The following GRM5 variants were observed in gnomAD, a reference collection of about 807,000 sequenced individuals.
GRM5 encodes metabotropic glutamate receptor 5.
In GRM5, 19 loss-of-function variants were observed where a neutral mutation model predicts 83.1. That is an observed-to-expected ratio of 0.23 (90% CI 0.16 to 0.34). The LOEUF (loss-of-function observed/expected upper bound fraction) is 0.34. Ranked by LOEUF, GRM5 falls within the 10% of genes least tolerant of loss-of-function variation. GRM5 has a pLI of 1.00. For synonymous variants in GRM5, 675 were observed against 633.6 expected, an observed-to-expected ratio of 1.07 and a Z score of -0.98; for missense variants, 1,160 against 1,588.3, an observed-to-expected ratio of 0.73 and a Z score of 4.58.
At chr11:88,816,219 CAAAAAAAAAAAAAAA>C (rs1183223330) in intron 3 of GRM5, among the ~76,000 whole-genome samples, 7 of 44,956 alleles carry the variant, frequency 1.6e-4, no homozygotes, top group Non-Finnish European at 2.4e-4. Flanking sequence ...GACTCCGTCT[CAAAAAAAAAAAAAAA>C]AAAAAAAAAA....
In GRM5 at chr11:88,555,802, G is replaced by A. The variant is rs534902882; in HGVS notation, c.2630+11251C>T. ...CTAAATATACATGAAAAACATAAGC[G>A]CACACATACCTCACCAAATACAGCT... On this transcript the variant is annotated intron_variant, in intron 8 of 9. Transcript: ENST00000305447. Among the ~76,000 whole-genome samples the A allele has an allele frequency of 1.0e-3, 158 of 152,054 alleles. 1 individual carries two copies. The highest frequency in any genetic ancestry group is 3.5e-3 in the South Asian group (17 of 4,822).
intron 1 of GRM5, among the ~76,000 whole-genome samples, chr11:89,050,580 G>A (rs1941736177): frequency 6.6e-6 from 1 of 152,240 alleles, no homozygotes; most frequent in South Asian, 2.1e-4. Context: ...TACTCCCACT[G>A]CAGAAATTCT....
At chr11:88,566,338 T>C (rs1942873835) in intron 8 of GRM5, among the ~76,000 whole-genome samples, 1 of 152,204 alleles carries the variant, frequency 6.6e-6, no homozygotes, top group Non-Finnish European at 1.5e-5. Flanking sequence ...CATTGGCTTC[T>C]GGCTTTAGAT....
intron 3 of GRM5, among the ~76,000 whole-genome samples, chr11:88,766,980 A>G (rs866830484): frequency 6.6e-6 from 1 of 151,996 alleles, no homozygotes; most frequent in African/African-American, 2.4e-5. Context: ...AGAAAAATGC[A>G]AATAAAAAAC....
chr11:88,973,259 G>T (rs920446146), intron 2 of GRM5, among the ~76,000 whole-genome samples: 1 of 152,118 alleles, frequency 6.6e-6, no homozygotes, highest in Non-Finnish European at 1.5e-5. Flanking sequence ...ATATATTGTA[G>T]AATTAAGAGG....
In GRM5 at chr11:88,653,265, G is replaced by A. The variant is rs1347538674; in HGVS notation, c.1050C>T (p.His350=). 3.1e-6 allele frequency: 5 copies of A among 1,613,154 alleles called. No individual in the cohort carries two copies. The highest frequency in any genetic ancestry group is 4.2e-6 in the Non-Finnish European group (5 of 1,179,486). ...AAAATTCTTGAAACCAAGGGTTTCG[G>A]TGGTTTGTTTCTGGCCGGAGCTTCA... The part of the protein sequence containing the change: ...YYLKLRPETN[H]RNPWFQEFWQ... The change falls in exon 4 of 10, where the codon CAC becomes CAT. Residue 350 remains histidine, a synonymous_variant. Transcript: ENST00000305447.
At chr11:88,730,824 C>T (rs1051288779) in intron 3 of GRM5, among the ~76,000 whole-genome samples, 1 of 151,996 alleles carries the variant, frequency 6.6e-6, no homozygotes, top group Non-Finnish European at 1.5e-5. Context: ...ACAATGAGAA[C>T]ACATGGACAC....
chr11:88,750,853 A>C (rs1181111102), intron 3 of GRM5, among the ~76,000 whole-genome samples: 2 of 152,114 alleles, frequency 1.3e-5, no homozygotes, highest in African/African-American at 2.4e-5. Flanking sequence ...TAAGGCAGAC[A>C]TCAAAAAGTT....
At chr11:88,754,077 C>T (rs193098895) in intron 3 of GRM5, among the ~76,000 whole-genome samples, 4 of 152,168 alleles carry the variant, frequency 2.6e-5, no homozygotes. Flanking sequence ...CAAACCATAT[C>T]ATACACCATG....
chr11:88,924,168 C>T lies in GRM5; in HGVS notation c.662-74013G>A, dbSNP rs190460349. 1.6e-3 allele frequency among the ~76,000 whole-genome samples: 239 copies of T among 150,832 alleles called. 1 individual carries two copies. The highest frequency in any genetic ancestry group is 5.5e-3 in the African/African-American group (227 of 41,102). On this transcript the variant is annotated intron_variant, in intron 2 of 9. Coordinates refer to ENST00000305447, the MANE Select transcript of GRM5 (RefSeq NM_001143831.3). ...AAAATAAGAAATAATCATTGTTAGC[C>T]AGGGTGTGGAGAATAGGTAACTCAT...
intron 2 of GRM5, among the ~76,000 whole-genome samples, chr11:88,885,627 T>C (rs1041049627): frequency 8.6e-5 from 13 of 151,954 alleles, no homozygotes; most frequent in Non-Finnish European, 1.9e-4. Context: ...ACAGATAACC[T>C]GCCTTTAAAA....
intron 2 of GRM5, among the ~76,000 whole-genome samples, chr11:88,854,028 T>C (rs1944428825): frequency 7.2e-6 from 1 of 137,980 alleles, no homozygotes; most frequent in African/African-American, 2.9e-5. Context: ...GTTATATCCA[T>C]CAACAGATAA....
At chr11:88,870,283 C>T (rs755403133) in intron 2 of GRM5, among the ~76,000 whole-genome samples, 1 of 151,332 alleles carries the variant, frequency 6.6e-6, no homozygotes, top group Non-Finnish European at 1.5e-5. Context: ...TAGTAATACA[C>T]TAGGCAATGC....
intron 2 of GRM5, among the ~76,000 whole-genome samples, chr11:88,990,800 C>A (rs1312530407): frequency 1.3e-5 from 2 of 151,452 alleles, no homozygotes; most frequent in African/African-American, 4.9e-5. Flanking sequence ...AGGCCTTTGA[C>A]AAAATTCAAC....
intron 2 of GRM5, among the ~76,000 whole-genome samples, chr11:88,901,967 T>C (rs598758): frequency 0.32 from 48,965 of 151,924 alleles, 8,092 homozygotes; most frequent in Non-Finnish European, 0.36. Flanking sequence ...ATTATACAAG[T>C]AGTTCCCATT....
At chr11:88,564,052 A>C (rs1349182210) in intron 8 of GRM5, among the ~76,000 whole-genome samples, 1 of 152,218 alleles carries the variant, frequency 6.6e-6, no homozygotes, top group African/African-American at 2.4e-5. Flanking sequence ...CAAAAGAATT[A>C]TAGCTTTCCC....
intron 2 of GRM5, among the ~76,000 whole-genome samples, chr11:88,990,345 G>C (rs1363538002): frequency 2.0e-5 from 3 of 151,738 alleles, no homozygotes; most frequent in Admixed American, 6.6e-5. Context: ...ACCAATAACA[G>C]GATCTGAAAT....
chr11:88,718,592 A>T (rs908528935), intron 3 of GRM5, among the ~76,000 whole-genome samples: 18 of 151,966 alleles, frequency 1.2e-4, no homozygotes, highest in Non-Finnish European at 1.9e-4. Flanking sequence ...TTGAGATATT[A>T]TTATTAGGCA....
intron 2 of GRM5, among the ~76,000 whole-genome samples, chr11:88,893,414 T>G (rs895683330): frequency 6.6e-6 from 1 of 151,998 alleles, no homozygotes; most frequent in Non-Finnish European, 1.5e-5. Flanking sequence ...ACAAGGATGG[T>G]AAATACCTGT....
Sources: allele counts gnomAD v4.1 joint callset (sites outside exome capture counted in the v4.1 genomes callset), GRCh38; gene constraint gnomAD v4.1.1; transcripts MANE v1.5; gene names NCBI Gene and HGNC (gene_info 2026-07-23, HGNC 2026-07-21).